SYNE3: variants seen among roughly 807,000 people sequenced by gnomAD.
The protein encoded by SYNE3 is spectrin repeat containing nuclear envelope family member 3.
In SYNE3, 100 loss-of-function variants were observed where a neutral mutation model predicts 111.2. That is an observed-to-expected ratio of 0.90 (90% CI 0.77 to 1.06). The LOEUF (loss-of-function observed/expected upper bound fraction) is 1.06, where lower values mean the gene tolerates loss of function less well. Among genes scored for constraint, SYNE3 ranks in the 50% least tolerant of loss-of-function variants. The pLI is 0.00. For synonymous variants in SYNE3, 547 were observed against 533.9 expected (o/e 1.02, Z -0.34); for missense variants, 1,160 against 1,240.3 (o/e 0.94, Z 0.97).
In SYNE3 at chr14:95,414,474, C is replaced by T. The variant is rs572053704; in HGVS notation, c.*3352G>A. 2 of 152,408 alleles carry T rather than the reference C, an allele frequency of 1.3e-5. No individual in the cohort carries two copies. Among genetic ancestry groups the T allele is most frequent in the South Asian group, 4.1e-4 (2 of 4,826 alleles). 9.4% of individuals were successfully genotyped at this position (152,408 alleles called of 1,614,324 possible). On this transcript the variant is annotated 3_prime_UTR_variant, in exon 18 of 18. Transcript: ENST00000682763. ...CACTGGGCACCTCCCAGGGTCTCCT[C>T]GCCTCGTCTGCTGTCAGTACCTGCC...
rs747549831 is a variant in SYNE3, at chr14:95,439,665, C to T, written c.2193G>A (p.Arg731=). ...AGGCCCGCCACGACTCTGCCAGCTCCCTGAGCTCCTCCTGCACCACGGCAG... is the reference window on the plus strand; with the variant it reads ...AGGCCCGCCACGACTCTGCCAGCTCTCTGAGCTCCTCCTGCACCACGGCAG... ...EGAAVVQEEL[R]ELAESWRALR... Residue 731 remains arginine (R), a synonymous_variant, in exon 13 of 18, where the codon AGG becomes AGA. Transcript: ENST00000682763. The T allele has an allele frequency of 6.2e-7, 1 of 1,614,006 alleles. No individual in the cohort carries two copies. The highest frequency in any genetic ancestry group is 1.1e-5 in the South Asian group (1 of 91,078).
intron 6 of SYNE3, among the ~76,000 whole-genome samples, chr14:95,453,440 G>A (rs574043305): frequency 1.2e-4 from 19 of 152,326 alleles, no homozygotes; most frequent in African/African-American, 4.3e-4. Context: ...CACAAATAGA[G>A]GGAAGGATTT....
chr14:95,452,558 C>T lies in SYNE3; in HGVS notation c.1138-175G>A, dbSNP rs1447208215. Among the ~76,000 whole-genome samples the T allele has an allele frequency of 3.9e-5, 6 of 152,224 alleles. No individual in the cohort carries two copies. In the East Asian group the frequency reaches 9.6e-4, roughly 24 times the overall value. On this transcript the variant is annotated intron_variant, in intron 6 of 17. Coordinates refer to ENST00000682763, the MANE Select transcript of SYNE3 (RefSeq NM_152592.6). ...TCAGCCCCTACCCTCCCATCTCTAG[C>T]TCCATGACCTGGAACTCAGCCTTTA...
intron 16 of SYNE3, among the ~76,000 whole-genome samples, chr14:95,432,432 G>A (rs533247457): frequency 3.3e-5 from 5 of 152,198 alleles, no homozygotes; most frequent in South Asian, 2.1e-4. Flanking sequence ...AGCCTGGGGC[G>A]CCCAGCTTGG....
At position 95,509,806 on chromosome 14, in the gene SYNE3, C is replaced by T. The variant is rs1476631781; in HGVS notation, c.-15+6790G>A. Among the ~76,000 whole-genome samples the T allele has an allele frequency of 7.2e-5, 11 of 152,346 alleles. No individual in the cohort carries two copies. In the East Asian group the frequency reaches 1.2e-3, roughly 16 times the overall value. On this transcript the variant is annotated intron_variant, in intron 1 of 17. Coordinates refer to ENST00000682763, the MANE Select transcript of SYNE3 (RefSeq NM_152592.6). Reference sequence around the variant, plus strand: ...CTTGGTGATCACCACACAGGCTGAACGCTGAAAGCCTGCCATTTCATTTTC... The same window carrying T: ...CTTGGTGATCACCACACAGGCTGAATGCTGAAAGCCTGCCATTTCATTTTC...
intron 17 of SYNE3, among the ~76,000 whole-genome samples, chr14:95,427,567 C>A (rs1010863086): frequency 6.6e-6 from 1 of 151,764 alleles, no homozygotes; most frequent in Non-Finnish European, 1.5e-5. Context: ...ATAAGCTGTC[C>A]TCTCTCTCTC....
chr14:95,430,199 A>C (rs4343208), intron 17 of SYNE3, among the ~76,000 whole-genome samples: 36,273 of 151,884 alleles, frequency 0.24, 6,202 homozygotes, highest in African/African-American at 0.48. Flanking sequence ...CACCAGGGGG[A>C]CCAGACTTGA....
At chr14:95,420,440 T>C (rs933220503) in intron 17 of SYNE3, among the ~76,000 whole-genome samples, 2 of 152,216 alleles carry the variant, frequency 1.3e-5, no homozygotes, top group Non-Finnish European at 2.9e-5. Flanking sequence ...AGTGTCCTTT[T>C]TTATTTGCCC....
intron 3 of SYNE3, among the ~76,000 whole-genome samples, chr14:95,467,424 CCCACCACCCCCTGTCCCGGCCAA>C: frequency 6.6e-6 from 1 of 152,110 alleles, no homozygotes; most frequent in African/African-American, 2.4e-5. Flanking sequence ...GTGTTTGCTC[CCCACCACCCCCTGTCCCGGCCAA>C]CCACCACCCA....
At chr14:95,432,200 T>C (rs1294389171) in intron 16 of SYNE3, 83 bp from the exon 17 acceptor site, 2 of 1,490,298 alleles carry the variant, frequency 1.3e-6, no homozygotes, top group African/African-American at 1.4e-5. Flanking sequence ...GAGCCTGTAA[T>C]GGAATATTCG....
At position 95,440,081 on chromosome 14, in the gene SYNE3, G is replaced by A. The variant is rs373170732; in HGVS notation, c.1912-6C>T. On this transcript the variant is annotated splice_region_variant and splice_polypyrimidine_tract_variant and intron_variant, in intron 11 of 17. Coordinates refer to ENST00000682763, the MANE Select transcript of SYNE3 (RefSeq NM_152592.6). ...CGACACCTGTCCACAAGGTCCTGCA[G>A]CACAGCCCGGGGAGCCCAGGGCATC... is the stretch of plus-strand genomic sequence containing the variant. The A allele has an allele frequency of 1.0e-4, 162 of 1,592,584 alleles. 1 individual carries two copies. Among genetic ancestry groups the A allele is most frequent in the Middle Eastern group, 8.9e-4 (5 of 5,600 alleles).
chr14:95,506,048 A>G (rs1595263205), intron 1 of SYNE3, among the ~76,000 whole-genome samples: 1 of 152,188 alleles, frequency 6.6e-6, no homozygotes, highest in Non-Finnish European at 1.5e-5. Flanking sequence ...ATATAATCAG[A>G]AGGATTAAAA....
At chr14:95,509,239 C>T (rs1475613371) in intron 1 of SYNE3, among the ~76,000 whole-genome samples, 2 of 152,118 alleles carry the variant, frequency 1.3e-5, no homozygotes, top group Non-Finnish European at 2.9e-5. Flanking sequence ...TGGGAAGGGG[C>T]AGGGAGAAGG....
In SYNE3 at chr14:95,470,506, C is replaced by G. The variant is rs1888460631; in HGVS notation, c.145-2539G>C. 6.6e-6 allele frequency among the ~76,000 whole-genome samples: 1 copy of G among 151,404 alleles called. No individual in the cohort carries two copies. ...TTAATTAAAAAAAAAAAAAAACTAG[C>G]CAGGCACAGTGGCATATGCCTGTAG... is the stretch of plus-strand genomic sequence containing the variant. On this transcript the variant is annotated intron_variant, in intron 2 of 17. Coordinates refer to ENST00000682763, the MANE Select transcript of SYNE3 (RefSeq NM_152592.6). This position sits in a 1 kb window ranked among gnomAD's most constrained non-coding sequence, Gnocchi z 4.2.
At chr14:95,496,642 A>C (rs1035378253) in intron 1 of SYNE3, among the ~76,000 whole-genome samples, 3 of 152,220 alleles carry the variant, frequency 2.0e-5, no homozygotes, top group South Asian at 4.1e-4. Context: ...ATCTCACAGA[A>C]GATAAGAATA....
At chr14:95,465,085 G>A (rs1386561153) in intron 4 of SYNE3, among the ~76,000 whole-genome samples, 1 of 152,170 alleles carries the variant, frequency 6.6e-6, no homozygotes, top group Non-Finnish European at 1.5e-5. Context: ...AGAATGGGGT[G>A]AGGAAATGCA....
chr14:95,487,243 T>C (rs1378742584), intron 1 of SYNE3, among the ~76,000 whole-genome samples: 1 of 152,262 alleles, frequency 6.6e-6, no homozygotes, highest in African/African-American at 2.4e-5. Flanking sequence ...TTGCCATTTA[T>C]GACATGTTTA....
intron 1 of SYNE3, among the ~76,000 whole-genome samples, chr14:95,503,609 CCTT>C (rs1890419632): frequency 8.3e-6 from 1 of 120,022 alleles, no homozygotes; most frequent in African/African-American, 2.9e-5. Flanking sequence ...TTCAGAACTA[CCTT>C]TTTTTTTTTT....
chr14:95,409,565 A>G lies in SYNE3; in HGVS notation c.*8261T>C. 2.7e-6 allele frequency: 1 copy of G among 373,054 alleles called. No individual in the cohort carries two copies. Among genetic ancestry groups the G allele is most frequent in the Non-Finnish European group, 5.3e-6 (1 of 189,852 alleles). The allele number at this position is 373,054 out of a possible 1,614,324, so 23.1% of individuals were successfully genotyped here. On this transcript the variant is annotated 3_prime_UTR_variant, in exon 18 of 18. Transcript: ENST00000682763. Reference sequence around the variant, plus strand: ...GGTTGGGGATGATGTTACCATGACAACCGGAGAGCAGGTGCTGGGAGATGC... The same window carrying G: ...GGTTGGGGATGATGTTACCATGACAGCCGGAGAGCAGGTGCTGGGAGATGC...
Sources: gnomAD v4.1 joint callset for allele counts (sites outside exome capture counted in the v4.1 genomes callset) on GRCh38, gnomAD v4.1.1 for gene constraint, Gnocchi (gnomAD v3.1) non-coding constraint, MANE v1.5 for transcripts, NCBI Gene and HGNC (gene_info 2026-07-23, HGNC 2026-07-21) for gene names.